MUC5B: variants seen among roughly 807,000 people sequenced by gnomAD.
MUC5B encodes the protein mucin-5B.
Under a neutral mutation model 376.9 loss-of-function variants are expected in MUC5B, and 116 were observed. That is an observed-to-expected ratio of 0.31 (90% CI 0.26 to 0.36). The LOEUF is 0.36. MUC5B is among the 10% of genes least tolerant of loss of function. MUC5B has a pLI of 1.00. For synonymous variants in MUC5B, 3,517 were observed against 3,390.9 expected (o/e 1.04, Z -1.29); for missense variants, 7,165 against 7,769.9 (o/e 0.92, Z 2.93).
chr11:1,260,485 T>G lies in MUC5B; in HGVS notation c.16966+92T>G, dbSNP rs1016477593. 99 of 1,524,122 alleles carry G rather than the reference T, an allele frequency of 6.5e-5. 1 individual carries two copies. In the South Asian group the frequency reaches 1.0e-3, roughly 15 times the overall value. The allele number at this position is 1,524,122 out of a possible 1,614,324, so 94.4% of individuals were successfully genotyped here. A position where few individuals can be genotyped will look rare whatever the true frequency, so the allele number is the denominator to read the frequency against. Reference sequence around the variant, plus strand: ...CCCAGACATCTGCACTAGGCAGCAGTGGGATGCCCGCGTCCAGACTCCACC... The same window carrying G: ...CCCAGACATCTGCACTAGGCAGCAGGGGGATGCCCGCGTCCAGACTCCACC... On this transcript the variant is annotated intron_variant, in intron 47 of 48. Coordinates refer to ENST00000529681, the MANE Select transcript of MUC5B (RefSeq NM_002458.3).
chr11:1,251,118 A>C lies in MUC5B; in HGVS notation c.14238A>C (p.Thr4746=), dbSNP rs1481818879. The stretch of plus-strand genomic sequence containing the variant: ...TGACAAGCACAGCCACAAAATCCAC[A>C]GCTACCAGCTTTACACCCATCCCCT... ...PVLTSTATKS[T]ATSFTPIPSS... Residue 4746 remains threonine, a synonymous_variant, in exon 31 of 49, where the codon ACA becomes ACC. Transcript: ENST00000529681. 2.5e-6 allele frequency: 4 copies of C among 1,610,880 alleles called. No homozygotes were observed. The highest frequency in any genetic ancestry group is 3.4e-6 in the Non-Finnish European group (4 of 1,178,144).
Position 1,248,534 on chromosome 11 carries a change from G to T in MUC5B, c.11654G>T (p.Arg3885Leu), listed in dbSNP as rs201915227. The change falls in exon 31 of 49, where the codon CGC becomes CTC. Residue 3885 changes from arginine (R) to leucine (L), a missense_variant. Around this residue, in one of 31 missense-constraint regions of MUC5B, gnomAD observed 242 missense variants for 199.0 expected, o/e 1.22. Coordinates refer to ENST00000529681, the MANE Select transcript of MUC5B (RefSeq NM_002458.3). ...CCCTCCTCCAGCCCAGGGACGGCACGCACGCCTCCAGTGTGGATCAGCACA... is the reference window on the plus strand; with the variant it reads ...CCCTCCTCCAGCCCAGGGACGGCACTCACGCCTCCAGTGTGGATCAGCACA... ...VTPSSSPGTA[R>L]TPPVWISTTT... is the part of the protein sequence containing the mutation. 1.2e-3 allele frequency: 1,909 copies of T among 1,612,408 alleles called. 21 individuals carry two copies. Among genetic ancestry groups the T allele is most frequent in the African/African-American group, 8.0e-3 (595 of 74,578 alleles).
At chr11:1,235,445 A>AC in intron 23 of MUC5B, 32 bp downstream of exon 23, 1 of 1,575,356 alleles carries the variant, frequency 6.3e-7, no homozygotes, top group East Asian at 2.3e-5. Flanking sequence ...AGCACCCCCG[A>AC]CCCTGCAGCC....
rs1185361769 is a variant in MUC5B, at chr11:1,253,128, G to C, written c.15217+148G>C. ...TGGTGGGGCATGGTGGGGTGCAGTGGGGCATGGTGGGGCATGGTGGGGTGT... is the reference window on the plus strand; with the variant it reads ...TGGTGGGGCATGGTGGGGTGCAGTGCGGCATGGTGGGGCATGGTGGGGTGT... On this transcript the variant is annotated intron_variant, in intron 33 of 48. Transcript: ENST00000529681. The surrounding 1 kb of genome is among the most constrained non-coding windows in gnomAD (Gnocchi z 4.3). 1.8e-5 allele frequency: 14 copies of C among 781,162 alleles called. No homozygotes were observed. The highest frequency in any genetic ancestry group is 2.9e-5 in the Non-Finnish European group (14 of 490,602). 48.4% of individuals were successfully genotyped at this position (781,162 alleles called of 1,614,324 possible).
rs747409979 is a variant in MUC5B, at chr11:1,251,339, C to T, written c.14459C>T (p.Thr4820Ile). The change falls in exon 31 of 49, where the codon ACT (threonine) becomes ATT (isoleucine). Residue 4820 changes from threonine to isoleucine, a missense_variant. Physicochemically the swap from Thr to Ile is moderately conservative, Grantham distance 89. This residue lies in a region of MUC5B where 730 missense variants were observed against 592.7 expected (regional missense o/e 1.23). Transcript: ENST00000529681. ...ACTCTGGGGACGACCCGGATCCTCA[C>T]TGAGCTGACCACAACAGCCACTACA... ...SSTLGTTRIL[T>I]ELTTTATTTA... 8 of 1,610,682 alleles carry T rather than the reference C, an allele frequency of 5.0e-6. No individual in the cohort carries two copies. The highest frequency in any genetic ancestry group is 1.6e-4 in the Middle Eastern group (1 of 6,084).
In MUC5B at chr11:1,258,669, G is replaced by GGATTCCTGCCTGCCA. The variant is rs924163247; in HGVS notation, c.16594-262_16594-248dup. ...TGCCCGCCCAGATTCCTACCCGCCC[G>GGATTCCTGCCTGCCA]GATTCCTGCCTGCCAGATTCCTGCC... On this transcript the variant is annotated intron_variant, in intron 43 of 48. Transcript: ENST00000529681. The surrounding 1 kb of genome is among the most constrained non-coding windows in gnomAD (Gnocchi z 5.5). 8.6e-5 allele frequency among the ~76,000 whole-genome samples: 13 copies of GGATTCCTGCCTGCCA among 152,010 alleles called. No individual in the cohort carries two copies. Among genetic ancestry groups the GGATTCCTGCCTGCCA allele is most frequent in the Non-Finnish European group, 1.0e-4 (7 of 67,958 alleles).
Position 1,246,162 on chromosome 11 carries a change from C to A in MUC5B, c.9282C>A (p.Ile3094=), listed in dbSNP as rs769629063. The change falls in exon 31 of 49, where the codon ATC becomes ATA. Residue 3094 remains isoleucine, a synonymous_variant. Transcript: ENST00000529681. ...TTTPMATMST[I]HPSSTPETTH... ...CACCCATGGCCACCATGTCCACAAT[C>A]CACCCCTCCTCCACTCCGGAGACCA... 10 of 1,613,140 alleles carry A rather than the reference C, an allele frequency of 6.2e-6. No homozygotes were observed. Among genetic ancestry groups the A allele is most frequent in the Middle Eastern group, 3.3e-4 (2 of 6,060 alleles).
At chr11:1,238,636 G>T (rs1246383548) in intron 25 of MUC5B, among the ~76,000 whole-genome samples, 1 of 152,168 alleles carries the variant, frequency 6.6e-6, no homozygotes, top group Non-Finnish European at 1.5e-5. Context: ...GGACAGGTGG[G>T]CAGATGGGCA....
At position 1,257,521 on chromosome 11, in the gene MUC5B, C is replaced by T; in HGVS notation, c.16270-9C>T. The T allele has an allele frequency of 6.2e-7, 1 of 1,607,586 alleles. No homozygotes were observed. The highest frequency in any genetic ancestry group is 8.5e-7 in the Non-Finnish European group (1 of 1,178,926). ...AGGAGCCCTCAGGGACCCCCTTGAT[C>T]CATTCCAGCCCGGGGAGCGGTGGGT... On this transcript the variant is annotated splice_polypyrimidine_tract_variant and intron_variant, in intron 40 of 48. Coordinates refer to ENST00000529681, the MANE Select transcript of MUC5B (RefSeq NM_002458.3). This position sits in a 1 kb window ranked among gnomAD's most constrained non-coding sequence, Gnocchi z 8.9.
At chr11:1,260,596 G>A in intron 47 of MUC5B, 30 bp from the exon 48 acceptor site, 2 of 1,584,792 alleles carry the variant, frequency 1.3e-6, no homozygotes, top group Non-Finnish European at 1.7e-6. Context: ...GGGTCCAGTG[G>A]GGCTCCACAT....
chr11:1,240,291 A>G lies in MUC5B; in HGVS notation c.3886A>G (p.Ile1296Val), dbSNP rs1387447125. Residue 1296 changes from isoleucine (I) to valine (V), a missense_variant, in exon 30 of 49, where the codon ATC (isoleucine) becomes GTC (valine). This residue lies in a region of MUC5B where 517 missense variants were observed against 545.3 expected (regional missense o/e 0.95). Coordinates refer to ENST00000529681, the MANE Select transcript of MUC5B (RefSeq NM_002458.3). The stretch of plus-strand genomic sequence containing the variant: ...CATCTGCGGAAGCAACGGCACCATC[A>G]TCAGGAAGGCTGTGGCATGTCCTGG... ...IAICGSNGTI[I>V]RKAVACPGTP... 6.2e-7 allele frequency: 1 copy of G among 1,613,708 alleles called. No individual in the cohort carries two copies. The highest frequency in any genetic ancestry group is 1.1e-5 in the South Asian group (1 of 91,084).
Position 1,240,931 on chromosome 11 carries a change from C to T in MUC5B, c.4051C>T (p.Pro1351Ser), listed in dbSNP as rs376263578. The change falls in exon 31 of 49, where the codon CCC becomes TCC. Residue 1351 changes from proline (P) to serine (S), a missense_variant. Physicochemically the swap from Pro to Ser is moderately conservative, Grantham distance 74. Coordinates refer to ENST00000529681, the MANE Select transcript of MUC5B (RefSeq NM_002458.3). ...SSWYNGHRPE[P>S]GLGGGDFETF... ...CTGGTACAATGGGCACCGCCCAGAG[C>T]CCGGCCTGGGAGGCGGAGACTTTGA... The T allele has an allele frequency of 3.7e-6, 6 of 1,613,168 alleles. No individual in the cohort carries two copies. The highest frequency in any genetic ancestry group is 5.1e-6 in the Non-Finnish European group (6 of 1,179,852).
rs1361425336 is a variant in MUC5B at position 1,254,183 on chromosome 11, A to G, written c.15309A>G (p.Arg5103=). ...FRGNCTYVLM[R]EIHARFGNLS... Reference sequence around the variant, plus strand: ...GCAACTGCACCTATGTCCTCATGAGAGAGATCCATGCACGCTTTGGGAATC... The same window carrying G: ...GCAACTGCACCTATGTCCTCATGAGGGAGATCCATGCACGCTTTGGGAATC... Residue 5103 remains arginine, a synonymous_variant, in exon 34 of 49, where the codon AGA becomes AGG. Coordinates refer to ENST00000529681, the MANE Select transcript of MUC5B (RefSeq NM_002458.3). The G allele has an allele frequency of 6.2e-7, 1 of 1,612,780 alleles. No individual in the cohort carries two copies. Among genetic ancestry groups the G allele is most frequent in the African/African-American group, 1.3e-5 (1 of 74,922 alleles).
In MUC5B at chr11:1,254,253, GCCGCTGCCGC is replaced by G; in HGVS notation, c.15388_15397del (p.Ala5130ProfsTer27). On this transcript the variant is annotated frameshift_variant, in exon 34 of 49. Transcript: ENST00000529681. LOFTEE classifies it high-confidence loss of function. Reference sequence around the variant, plus strand: ...CCACTACTGCACGGCCTCTGCCACTGCCGCTGCCGCCCGCTGCCCCCGCGCCCTCAGCATC... The same window carrying G: ...CCACTACTGCACGGCCTCTGCCACTGCCGCTGCCCCCGCGCCCTCAGCATC... 6.2e-7 allele frequency: 1 copy of G among 1,612,326 alleles called. No individual in the cohort carries two copies. The highest frequency in any genetic ancestry group is 8.5e-7 in the Non-Finnish European group (1 of 1,179,838).
intron 30 of MUC5B, 60 bp from the exon 31 acceptor site, chr11:1,240,791 C>T: frequency 6.8e-7 from 1 of 1,478,228 alleles, no homozygotes; most frequent in Admixed American, 2.1e-5. Flanking sequence ...GGCCCCTCCA[C>T]CTTGTGAGGC....
In MUC5B at chr11:1,247,863, C is replaced by A. The variant is rs759656595; in HGVS notation, c.10983C>A (p.Ile3661=). The change falls in exon 31 of 49, where the codon ATC becomes ATA. Residue 3661 remains isoleucine, a synonymous_variant. Transcript: ENST00000529681. ...TCAAGATGTGCTTCAACTATGAAAT[C>A]CGTGTGTTCTGCTGCAACTACGGCC... ...GKFKMCFNYE[I]RVFCCNYGHC... The A allele has an allele frequency of 5.6e-6, 9 of 1,609,988 alleles. No homozygotes were observed. In the African/African-American group the frequency reaches 1.2e-4, roughly 22 times the overall value.
At position 1,248,321 on chromosome 11, in the gene MUC5B, C is replaced by G. The variant is rs767561409; in HGVS notation, c.11441C>G (p.Thr3814Arg). ...TGGACCCGCCTATCACAGACCACCA[C>G]ACCCACGGCCACCATGTCCACAGCC... ...TTWTRLSQTT[T>R]PTATMSTATP... The change falls in exon 31 of 49, where the codon ACA becomes AGA. Residue 3814 changes from threonine (T) to arginine (R), a missense_variant. Transcript: ENST00000529681. 6 of 1,611,722 alleles carry G rather than the reference C, an allele frequency of 3.7e-6. No individual in the cohort carries two copies. Among genetic ancestry groups the G allele is most frequent in the Non-Finnish European group, 5.1e-6 (6 of 1,179,102 alleles).
intron 30 of MUC5B, 100 bp downstream of exon 30, chr11:1,240,475 C>T (rs1862255559): frequency 2.7e-6 from 3 of 1,131,596 alleles, no homozygotes; most frequent in South Asian, 3.0e-5. Flanking sequence ...AGCGACAGTC[C>T]CAATCCACTG....
In MUC5B at chr11:1,254,315, C is replaced by T. The variant is rs564372508; in HGVS notation, c.15441C>T (p.Leu5147=). ...ACTACAAGTCCATGGATATCGTCCT[C>T]ACTGTCACCATGGTGCATGGGAAGG... ...SIHYKSMDIV[L]TVTMVHGKEE... The change falls in exon 34 of 49, where the codon CTC becomes CTT. Residue 5147 remains leucine, a synonymous_variant. Coordinates refer to ENST00000529681, the MANE Select transcript of MUC5B (RefSeq NM_002458.3). 4.4e-6 allele frequency: 7 copies of T among 1,607,054 alleles called. No homozygotes were observed. The Admixed American group carries it at 8.3e-5, about 19-fold the overall frequency.
Sources: gnomAD v4.1 joint callset for allele counts (sites outside exome capture counted in the v4.1 genomes callset) on GRCh38, gnomAD v4.1.1 for gene constraint, gnomAD v4.1.1 regional missense constraint, Gnocchi (gnomAD v3.1) non-coding constraint, MANE v1.5 for transcripts, NCBI Gene and HGNC (gene_info 2026-07-23, HGNC 2026-07-21) for gene names.